CLVS1: variants seen among roughly 807,000 people sequenced by gnomAD.
CLVS1 encodes clavesin 1.
In CLVS1, 10 loss-of-function variants were observed where a neutral mutation model predicts 33.1. The ratio of observed to expected loss-of-function variants is 0.30; its 90% CI spans 0.19 to 0.51. The LOEUF (loss-of-function observed/expected upper bound fraction) is 0.51, where lower values mean the gene tolerates loss of function less well. CLVS1 is among the 20% of genes least tolerant of loss of function. The pLI is 0.97. For missense variants in CLVS1, 343 were observed against 433.4 expected (o/e 0.79, Z 1.85); for synonymous variants, 163 against 166.1 (o/e 0.98, Z 0.14).
intron 3 of CLVS1, among the ~76,000 whole-genome samples, chr8:61,403,446 A>G (rs556255315): frequency 6.6e-6 from 1 of 152,308 alleles, no homozygotes; most frequent in African/African-American, 2.4e-5. Flanking sequence ...GAGGAGATGC[A>G]GGGAAACCAG....
intron 3 of CLVS1, among the ~76,000 whole-genome samples, chr8:61,415,599 A>T (rs898109913): frequency 2.0e-5 from 3 of 152,232 alleles, no homozygotes; most frequent in Admixed American, 6.5e-5. Context: ...GCAACTGCTC[A>T]TGGGATCACA....
intron 2 of CLVS1, among the ~76,000 whole-genome samples, chr8:61,354,426 GA>G (rs577425243): frequency 0.017 from 2,566 of 151,290 alleles, 84 homozygotes; most frequent in African/African-American, 0.058. Context: ...TTAAAAAACT[GA>G]AAAAAAACTG....
intron 1 of CLVS1, among the ~76,000 whole-genome samples, chr8:61,126,384 A>G (rs1158214659): frequency 1.3e-5 from 2 of 152,180 alleles, no homozygotes; most frequent in East Asian, 3.8e-4. Context: ...TTGGTGGTTA[A>G]CCATCAGGGT....
At chr8:61,470,356 G>C (rs1023091773) in intron 5 of CLVS1, among the ~76,000 whole-genome samples, 17 of 152,224 alleles carry the variant, frequency 1.1e-4, no homozygotes, top group African/African-American at 2.4e-5. Context: ...AGAGTTCTAA[G>C]CTACTGGCAG....
the CLVS1 span, among the ~76,000 whole-genome samples, chr8:61,033,033 GAAAGAAAGAAAGAAAA>G: frequency 1.3e-4 from 14 of 108,900 alleles, 1 homozygote; most frequent in African/African-American, 2.6e-4. Flanking sequence ...AAGAAAGAAA[GAAAGAAAGAAAGAAAA>G]AGAAAGAAAG....
At chr8:61,072,702 T>G (rs551159387) in intron 1 of CLVS1, among the ~76,000 whole-genome samples, 2 of 152,342 alleles carry the variant, frequency 1.3e-5, no homozygotes, top group South Asian at 4.1e-4. Context: ...GGGGTTTGAT[T>G]ATGGTGCTCA....
chr8:61,497,701 T>C (rs926114658), intron 5 of CLVS1, among the ~76,000 whole-genome samples: 5 of 152,032 alleles, frequency 3.3e-5, no homozygotes, highest in African/African-American at 9.7e-5. Context: ...GGGAAGTCCA[T>C]AGAGTAAAGT....
At chr8:61,467,930 GGGTA>G (rs1186640918) in intron 5 of CLVS1, among the ~76,000 whole-genome samples, 7 of 152,204 alleles carry the variant, frequency 4.6e-5, no homozygotes, top group Non-Finnish European at 1.0e-4. Context: ...GTCCCCCACA[GGGTA>G]TGTGTGTGCA....
chr8:61,484,255 C>G (rs1025619122), intron 5 of CLVS1, among the ~76,000 whole-genome samples: 1 of 152,162 alleles, frequency 6.6e-6, no homozygotes, highest in Non-Finnish European at 1.5e-5. Context: ...TCTCAGGATA[C>G]AAAATCAACA....
the CLVS1 span, among the ~76,000 whole-genome samples, chr8:61,018,551 A>G: frequency 6.6e-6 from 1 of 152,268 alleles, no homozygotes; most frequent in Admixed American, 6.5e-5. Context: ...AACTGAAATC[A>G]TGCCACTTAC....
At chr8:61,022,157 A>G in the CLVS1 span, among the ~76,000 whole-genome samples, 7 of 152,210 alleles carry the variant, frequency 4.6e-5, no homozygotes, top group Non-Finnish European at 8.8e-5. Context: ...TTACGAGTTT[A>G]GACATGACCG....
chr8:61,499,597 C>A lies in CLVS1; in HGVS notation c.*55C>A. On this transcript the variant is annotated 3_prime_UTR_variant, in exon 6 of 6. Coordinates refer to ENST00000325897, the MANE Select transcript of CLVS1 (RefSeq NM_173519.3). ...CTGGCCTTCAGTGGTATCAGCCACC[C>A]AGGAAGCACATGCACAACTGACCCA... The A allele has an allele frequency of 7.5e-7, 1 of 1,339,250 alleles. No homozygotes were observed. Among genetic ancestry groups the A allele is most frequent in the Non-Finnish European group, 1.1e-6 (1 of 931,638 alleles). 83.0% of individuals were successfully genotyped at this position (1,339,250 alleles called of 1,614,324 possible). A position where few individuals can be genotyped will look rare whatever the true frequency, so the allele number is the denominator to read the frequency against.
chr8:61,094,901 C>T (rs1424639686), intron 1 of CLVS1, among the ~76,000 whole-genome samples: 3 of 152,222 alleles, frequency 2.0e-5, no homozygotes, highest in Non-Finnish European at 4.4e-5. Flanking sequence ...CAGACTAACA[C>T]AGTAACTTTC....
intron 5 of CLVS1, among the ~76,000 whole-genome samples, chr8:61,485,415 G>C (rs1260499911): frequency 6.6e-6 from 1 of 152,214 alleles, no homozygotes. Context: ...ACACCAGTTA[G>C]AATGGCGATC....
chr8:61,448,727 C>T (rs1816845564), intron 3 of CLVS1, among the ~76,000 whole-genome samples: 1 of 150,792 alleles, frequency 6.6e-6, no homozygotes, highest in Admixed American at 6.6e-5. Context: ...AAAAAAAAAT[C>T]CATATGGTTC....
chr8:61,192,136 G>C (rs1280900073), intron 2 of CLVS1, among the ~76,000 whole-genome samples: 1 of 152,102 alleles, frequency 6.6e-6, no homozygotes, highest in Non-Finnish European at 1.5e-5. Flanking sequence ...ATACTACAAG[G>C]CTACAGTAAC....
chr8:61,065,432 A>G (rs1436917272), intron 1 of CLVS1, among the ~76,000 whole-genome samples: 1 of 152,088 alleles, frequency 6.6e-6, no homozygotes, highest in African/African-American at 2.4e-5. Context: ...CTCTGGATGT[A>G]TTTGAGAGGG....
At chr8:61,134,928 A>G (rs966880320) in intron 2 of CLVS1, among the ~76,000 whole-genome samples, 1 of 151,980 alleles carries the variant, frequency 6.6e-6, no homozygotes, top group Non-Finnish European at 1.5e-5. Flanking sequence ...CCACAGATAG[A>G]GATACAGACT....
At chr8:61,354,606 A>T (rs1210085956) in intron 2 of CLVS1, among the ~76,000 whole-genome samples, 1 of 152,116 alleles carries the variant, frequency 6.6e-6, no homozygotes, top group Non-Finnish European at 1.5e-5. Flanking sequence ...TAAAATGGCT[A>T]AAAAAACTGG....
Sources: allele counts gnomAD v4.1 joint callset (sites outside exome capture counted in the v4.1 genomes callset), GRCh38; gene constraint gnomAD v4.1.1; transcripts MANE v1.5; gene names NCBI Gene and HGNC (gene_info 2026-07-23, HGNC 2026-07-21).